ALDH4A1: variants seen among roughly 807,000 people sequenced by gnomAD.
The protein encoded by ALDH4A1 is delta-1-pyrroline-5-carboxylate dehydrogenase, mitochondrial.
A neutral mutation model predicts 70.5 loss-of-function variants in ALDH4A1; 46 were observed. The ratio of observed to expected loss-of-function variants is 0.65; its 90% CI spans 0.51 to 0.83. ALDH4A1 has a LOEUF of 0.83. ALDH4A1 is among the 40% of genes least tolerant of loss of function. ALDH4A1 has a pLI of 0.00. For missense variants in ALDH4A1, 749 were observed against 766.5 expected, an observed-to-expected ratio of 0.98 and a Z score of 0.27; for synonymous variants, 323 against 324.3, an observed-to-expected ratio of 1.00 and a Z score of 0.04.
chr1:18,894,865 C>CTTTTTTTTTTTTTTTTTTTTT (rs34445898), intron 1 of ALDH4A1, among the ~76,000 whole-genome samples: 2 of 109,964 alleles, frequency 1.8e-5, no homozygotes, highest in African/African-American at 6.9e-5. Context: ...TTCTTTCTTT[C>CTTTTTTTTTTTTTTTTTTTTT]TTTTTTTTTT....
chr1:18,885,408 T>C (rs1031609162), intron 5 of ALDH4A1, 65 bp downstream of exon 5: 1 of 1,445,182 alleles, frequency 6.9e-7, no homozygotes, highest in Admixed American at 2.0e-5. Flanking sequence ...TCTGCTGCCA[T>C]GGGTAGGGCA....
rs184236730 is a variant in ALDH4A1, at chr1:18,872,726, C to T, written c.*119G>A. On this transcript the variant is annotated 3_prime_UTR_variant, in exon 15 of 15. Coordinates refer to ENST00000375341, the MANE Select transcript of ALDH4A1 (RefSeq NM_003748.4). Reference sequence around the variant, plus strand: ...TACAGTGGTAAGAAGGGAGTCAAGCCCGGATTATAGAAAGGCAGCTGTGCA... The same window carrying T: ...TACAGTGGTAAGAAGGGAGTCAAGCTCGGATTATAGAAAGGCAGCTGTGCA... 18 of 770,648 alleles carry T rather than the reference C, an allele frequency of 2.3e-5. No individual in the cohort carries two copies. The African/African-American group carries it at 2.7e-4, about 12-fold the overall frequency. 47.7% of individuals were successfully genotyped at this position (770,648 alleles called of 1,614,324 possible).
At chr1:18,885,448 C>CCCCCCCCCCCCCCCCCCCA in intron 5 of ALDH4A1, 25 bp downstream of exon 5, 2 of 1,240,856 alleles carry the variant, frequency 1.6e-6, no homozygotes, top group East Asian at 2.6e-5. Context: ...CCCGCCCCAC[C>CCCCCCCCCCCCCCCCCCCA]CACCCGGGCC....
chr1:18,882,641 CAA>C (rs765658655), intron 7 of ALDH4A1: 17 of 539,958 alleles, frequency 3.1e-5, no homozygotes, highest in African/African-American at 3.1e-4. Flanking sequence ...TGTCATCTGG[CAA>C]AGAGGCAGAG....
intron 9 of ALDH4A1, among the ~76,000 whole-genome samples, chr1:18,878,072 A>G (rs1295819285): frequency 6.6e-6 from 1 of 152,060 alleles, no homozygotes; most frequent in Admixed American, 6.5e-5. Context: ...CGCGTGCTGG[A>G]AACCGCTCCC....
intron 1 of ALDH4A1, among the ~76,000 whole-genome samples, chr1:18,892,093 C>T (rs1053409495): frequency 2.6e-5 from 4 of 151,566 alleles, no homozygotes; most frequent in African/African-American, 4.8e-5. Context: ...CTCAGAGGGA[C>T]GTGGCCTGAG....
At position 18,877,536 on chromosome 1, in the gene ALDH4A1, T is replaced by G; in HGVS notation, c.1017A>C (p.Ser339=). The change falls in exon 10 of 15, where the codon TCA becomes TCC. Residue 339 remains serine (S), a synonymous_variant. Transcript: ENST00000375341. ...VESVVSGTLR[S]AFEYGGQKCS... is the part of the protein sequence containing the mutation. ...ACTTCTGGCCACCGTACTCGAAGGCTGAGCGGAGGGTCCCGCTCACCACGC... is the reference window on the plus strand; with the variant it reads ...ACTTCTGGCCACCGTACTCGAAGGCGGAGCGGAGGGTCCCGCTCACCACGC... The G allele has an allele frequency of 6.2e-7, 1 of 1,611,890 alleles. No homozygotes were observed. The highest frequency in any genetic ancestry group is 8.5e-7 in the Non-Finnish European group (1 of 1,179,398).
In ALDH4A1 at chr1:18,875,472, A is replaced by G; in HGVS notation, c.1370T>C (p.Val457Ala). 6.2e-7 allele frequency: 1 copy of G among 1,614,086 alleles called. No homozygotes were observed. The highest frequency in any genetic ancestry group is 1.7e-5 in the Admixed American group (1 of 60,022). ...EIFGPVLSVY[V>A]YPDDKYKETL... ...CTCCTTGTACTTGTCATCCGGGTAG[A>G]CGTACACAGACAGTACAGGCCCGAA... The change falls in exon 13 of 15, where the codon GTC becomes GCC. Residue 457 changes from valine to alanine, a missense_variant. Val to Ala is a moderately conservative substitution (Grantham distance 64). Transcript: ENST00000375341.
intron 5 of ALDH4A1, 46 bp downstream of exon 5, chr1:18,885,427 T>TTCCCCCCCCCCCCCCCCCCCCCCCCCCCC: frequency 3.1e-6 from 2 of 650,920 alleles, no homozygotes; most frequent in Non-Finnish European, 5.4e-6. Flanking sequence ...CACACCTGAC[T>TTCCCCCCCCCCCCCCCCCCCCCCCCCCCC]CCCACCCCAC....
intron 1 of ALDH4A1, among the ~76,000 whole-genome samples, chr1:18,897,894 C>G (rs1935676783): frequency 6.6e-6 from 1 of 152,320 alleles, no homozygotes; most frequent in Middle Eastern, 3.4e-3. Context: ...TCCACTGGCA[C>G]AGCAGCTCAG....
At chr1:18,897,341 T>C (rs1009765138) in intron 1 of ALDH4A1, among the ~76,000 whole-genome samples, 1 of 151,966 alleles carries the variant, frequency 6.6e-6, no homozygotes, top group African/African-American at 2.4e-5. Flanking sequence ...TCAGGAGTTC[T>C]AGACCAGCCT....
intron 14 of ALDH4A1, among the ~76,000 whole-genome samples, chr1:18,873,725 G>A (rs761929757): frequency 1.6e-4 from 25 of 152,208 alleles, no homozygotes; most frequent in Admixed American, 3.3e-4. Flanking sequence ...ATGTGTCTGC[G>A]CATCTGGCTG....
At chr1:18,882,604 G>A (rs752620646) in intron 7 of ALDH4A1, 1 of 536,468 alleles carries the variant, frequency 1.9e-6, no homozygotes, top group African/African-American at 1.9e-5. Context: ...GTCTTGCCAA[G>A]TAAGTCACGG....
rs1401295732 is a variant in ALDH4A1 at position 18,882,587 on chromosome 1, T to A, written c.678+537A>T. ...CTCTGCTCCATCATTTATTTACTAG[T>A]CACTCAGTCTTGCCAAGTAAGTCAC... is the stretch of plus-strand genomic sequence containing the variant. On this transcript the variant is annotated intron_variant, in intron 7 of 14. Coordinates refer to ENST00000375341, the MANE Select transcript of ALDH4A1 (RefSeq NM_003748.4). 3 of 534,912 alleles carry A rather than the reference T, an allele frequency of 5.6e-6. No homozygotes were observed. The Admixed American group carries it at 5.8e-5, about 10-fold the overall frequency. 33.1% of individuals were successfully genotyped at this position (534,912 alleles called of 1,614,324 possible).
At position 18,889,454 on chromosome 1, in the gene ALDH4A1, C is replaced by T. The variant is rs1935348433; in HGVS notation, c.157G>A (p.Ala53Thr). Reference sequence around the variant, plus strand: ...ATCCGGCCCTTCAGGTCCTTCAAGGCCTGGGGAGAGGGACAAGAGTGGGTA... The same window carrying T: ...ATCCGGCCCTTCAGGTCCTTCAAGGTCTGGGGAGAGGGACAAGAGTGGGTA... ...GSPERDALQK[A>T]LKDLKGRMEA... Residue 53 changes from alanine to threonine, a missense_variant and splice_region_variant, in exon 3 of 15, where the codon GCC becomes ACC. Transcript: ENST00000375341. 1.9e-6 allele frequency: 3 copies of T among 1,551,582 alleles called. No individual in the cohort carries two copies. The highest frequency in any genetic ancestry group is 2.6e-6 in the Non-Finnish European group (3 of 1,146,924).
intron 13 of ALDH4A1, 36 bp downstream of exon 13, chr1:18,875,346 G>C (rs182544904): frequency 6.2e-7 from 1 of 1,613,672 alleles, no homozygotes; most frequent in South Asian, 1.1e-5. Flanking sequence ...CAGGACACCC[G>C]GAGCACAGCA....
At chr1:18,873,066 C>T (rs570050961) in intron 14 of ALDH4A1, 109 bp from the exon 15 acceptor site, 92 of 960,662 alleles carry the variant, frequency 9.6e-5, no homozygotes, top group Non-Finnish European at 1.3e-4. Flanking sequence ...CGGCCAGCAG[C>T]GAGCCTGCTG....
intron 2 of ALDH4A1, 115 bp downstream of exon 2, chr1:18,889,897 G>A: frequency 1.1e-6 from 1 of 941,390 alleles, no homozygotes; most frequent in Non-Finnish European, 1.6e-6. Context: ...CCAAGGCTGG[G>A]AGCAAGGGTA....
chr1:18,892,015 A>G (rs1286352797), intron 1 of ALDH4A1, among the ~76,000 whole-genome samples: 1 of 151,498 alleles, frequency 6.6e-6, no homozygotes, highest in East Asian at 1.9e-4. Context: ...ATGACAGAGC[A>G]AGATTCCATC....
Sources: gnomAD v4.1 joint callset for allele counts (sites outside exome capture counted in the v4.1 genomes callset) on GRCh38, gnomAD v4.1.1 for gene constraint, MANE v1.5 for transcripts, NCBI Gene and HGNC (gene_info 2026-07-23, HGNC 2026-07-21) for gene names.